The following ZNF804A variants were observed in gnomAD, a reference collection of about 807,000 sequenced individuals.
ZNF804A encodes zinc finger protein 804A.
In ZNF804A, 2 loss-of-function variants were observed where a neutral mutation model predicts 16.5. That is an observed-to-expected ratio of 0.12 (90% CI 0.05 to 0.38). The LOEUF (loss-of-function observed/expected upper bound fraction) is 0.38, where lower values mean the gene tolerates loss of function less well. Among genes scored for constraint, ZNF804A ranks in the 10% least tolerant of loss-of-function variants. ZNF804A has a pLI of 0.99. For synonymous variants in ZNF804A, 534 were observed against 489.6 expected, an observed-to-expected ratio of 1.09 and a Z score of -1.20; for missense variants, 1,473 against 1,390.7, an observed-to-expected ratio of 1.06 and a Z score of -0.94.
At chr2:184,745,255 C>T (rs1018172888) in intron 1 of ZNF804A, among the ~76,000 whole-genome samples, 1 of 151,504 alleles carries the variant, frequency 6.6e-6, no homozygotes, top group African/African-American at 2.4e-5. Flanking sequence ...GAAACTGTAC[C>T]CTACATTAGT....
At chr2:184,812,003 G>T (rs1392351416) in intron 1 of ZNF804A, among the ~76,000 whole-genome samples, 1 of 152,156 alleles carries the variant, frequency 6.6e-6, no homozygotes, top group Non-Finnish European at 1.5e-5. Flanking sequence ...GTCACTTATT[G>T]TAGTTTGAGT....
intron 2 of ZNF804A, among the ~76,000 whole-genome samples, chr2:184,923,201 T>A (rs939307298): frequency 6.6e-6 from 1 of 152,084 alleles, no homozygotes; most frequent in African/African-American, 2.4e-5. Flanking sequence ...ACATTTCTAC[T>A]TTTTGGAGTC....
intron 1 of ZNF804A, among the ~76,000 whole-genome samples, chr2:184,713,945 T>A (rs572449622): frequency 5.9e-5 from 9 of 152,112 alleles, no homozygotes; most frequent in African/African-American, 2.2e-4. Flanking sequence ...CATTTTGAGA[T>A]CTTTTTAAGC....
intron 1 of ZNF804A, among the ~76,000 whole-genome samples, chr2:184,857,287 A>G (rs1176577637): frequency 6.6e-6 from 1 of 152,126 alleles, no homozygotes. Context: ...CATACTTTCC[A>G]AAATATCTCT....
chr2:184,803,358 T>A (rs181752457), intron 1 of ZNF804A, among the ~76,000 whole-genome samples: 66 of 152,334 alleles, frequency 4.3e-4, no homozygotes, highest in Admixed American at 2.5e-3. Context: ...TTCTTTATTA[T>A]ACTTTTGATA....
chr2:184,817,543 G>T (rs1686870471), intron 1 of ZNF804A, among the ~76,000 whole-genome samples: 1 of 151,976 alleles, frequency 6.6e-6, no homozygotes, highest in African/African-American at 2.4e-5. Flanking sequence ...CACAGAACTG[G>T]GCTCTGGCCA....
At chr2:184,628,414 A>T (rs1480164733) in intron 1 of ZNF804A, among the ~76,000 whole-genome samples, 1 of 152,190 alleles carries the variant, frequency 6.6e-6, no homozygotes, top group Non-Finnish European at 1.5e-5. Flanking sequence ...GATATGGAAA[A>T]TTACAAGTAT....
chr2:184,831,776 G>T (rs971860499), intron 1 of ZNF804A, among the ~76,000 whole-genome samples: 2 of 151,182 alleles, frequency 1.3e-5, no homozygotes, highest in African/African-American at 2.4e-5. Context: ...AAAAACCACT[G>T]AATGGAATGG....
intron 1 of ZNF804A, among the ~76,000 whole-genome samples, chr2:184,839,851 G>C (rs532347189): frequency 7.2e-5 from 11 of 152,026 alleles, no homozygotes; most frequent in African/African-American, 2.2e-4. Flanking sequence ...ACATTTATCA[G>C]TTCTCAATAA....
At chr2:184,762,965 T>A (rs1339125033) in intron 1 of ZNF804A, among the ~76,000 whole-genome samples, 1 of 152,194 alleles carries the variant, frequency 6.6e-6, no homozygotes, top group Non-Finnish European at 1.5e-5. Context: ...TTTGGCCTCT[T>A]TTAAATCACA....
At chr2:184,607,249 T>G (rs1462141725) in intron 1 of ZNF804A, among the ~76,000 whole-genome samples, 16 of 152,188 alleles carry the variant, frequency 1.1e-4, no homozygotes, top group Admixed American at 1.0e-3. Context: ...TCAAGCTCTC[T>G]CTAAATTAGA....
At chr2:184,913,136 CT>C (rs1348999077) in intron 2 of ZNF804A, among the ~76,000 whole-genome samples, 1 of 151,984 alleles carries the variant, frequency 6.6e-6, no homozygotes, top group Non-Finnish European at 1.5e-5. Flanking sequence ...CAATACCATT[CT>C]TTTGCAAACT....
chr2:184,835,398 G>A lies in ZNF804A; in HGVS notation c.112-30971G>A, dbSNP rs143423753. ...ATTATGCAGTAATTTCTAGAAAAAGGATGGTAACTTCTGGGTATCCAGTGG... is the reference window on the plus strand; with the variant it reads ...ATTATGCAGTAATTTCTAGAAAAAGAATGGTAACTTCTGGGTATCCAGTGG... On this transcript the variant is annotated intron_variant, in intron 1 of 3. Transcript: ENST00000302277. Among the ~76,000 whole-genome samples, 1,313 of 152,236 alleles carry A rather than the reference G, an allele frequency of 8.6e-3. 22 individuals carry two copies. Among genetic ancestry groups the A allele is most frequent in the African/African-American group, 0.03 (1,256 of 41,548 alleles).
Position 184,933,645 on chromosome 2 carries a change from G to T in ZNF804A, c.298G>T (p.Ala100Ser), listed in dbSNP as rs766073072. The T allele has an allele frequency of 1.3e-5, 21 of 1,608,252 alleles. No homozygotes were observed. The highest frequency in any genetic ancestry group is 1.7e-5 in the Non-Finnish European group (20 of 1,178,170). Residue 100 changes from alanine (A) to serine (S), a missense_variant, in exon 3 of 4, where the codon GCA (alanine) becomes TCA (serine). Physicochemically the swap from Ala to Ser is moderately conservative, Grantham distance 99. Coordinates refer to ENST00000302277, the MANE Select transcript of ZNF804A (RefSeq NM_194250.2). ...LKQREFARNV[A>S]SKSRKDERKQ... Reference sequence around the variant, plus strand: ...ACAAAGGGAATTTGCTCGAAATGTAGCATCTAAATCCAGGAAAGATGAAAG... The same window carrying T: ...ACAAAGGGAATTTGCTCGAAATGTATCATCTAAATCCAGGAAAGATGAAAG...
chr2:184,865,904 A>AT (rs1283922147), intron 1 of ZNF804A, among the ~76,000 whole-genome samples: 1 of 152,212 alleles, frequency 6.6e-6, no homozygotes, highest in African/African-American at 2.4e-5. Flanking sequence ...ATAAGTTACT[A>AT]TATAGATAAT....
chr2:184,926,514 A>G (rs560677161), intron 2 of ZNF804A, among the ~76,000 whole-genome samples: 13 of 152,130 alleles, frequency 8.5e-5, no homozygotes, highest in Admixed American at 4.6e-4. Context: ...GGTGTTCTAT[A>G]ACCTTCTTTT....
chr2:184,652,183 G>A (rs1243344416), intron 1 of ZNF804A, among the ~76,000 whole-genome samples: 1 of 152,044 alleles, frequency 6.6e-6, no homozygotes, highest in African/African-American at 2.4e-5. Flanking sequence ...ATTTAGTGAA[G>A]GTAGAGAAAA....
chr2:184,649,062 A>G (rs953701334), intron 1 of ZNF804A, among the ~76,000 whole-genome samples: 3 of 152,156 alleles, frequency 2.0e-5, no homozygotes, highest in Non-Finnish European at 4.4e-5. Flanking sequence ...GTTAAAAAAA[A>G]ATCGAAATTA....
intron 2 of ZNF804A, among the ~76,000 whole-genome samples, chr2:184,894,470 C>G (rs921122346): frequency 6.6e-6 from 1 of 151,790 alleles, no homozygotes; most frequent in Non-Finnish European, 1.5e-5. Flanking sequence ...TATTGGCATA[C>G]TTTTGCCCTT....
Sources: gnomAD v4.1 joint callset for allele counts (sites outside exome capture counted in the v4.1 genomes callset) on GRCh38, gnomAD v4.1.1 for gene constraint, MANE v1.5 for transcripts, NCBI Gene and HGNC (gene_info 2026-07-23, HGNC 2026-07-21) for gene names.